MSH4: variants seen among roughly 807,000 people sequenced by gnomAD.
MSH4 encodes mutS protein homolog 4.
A neutral mutation model predicts 113.7 loss-of-function variants in MSH4; 106 were observed. That is an observed-to-expected ratio of 0.93 (90% confidence interval 0.80 to 1.10). The LOEUF is 1.10. Among genes scored for constraint, MSH4 ranks in the 50% least tolerant of loss-of-function variants. The pLI, the probability that MSH4 is intolerant of heterozygous loss-of-function variation, is 0.00. For missense variants in MSH4, 1,061 were observed against 1,093.7 expected, an observed-to-expected ratio of 0.97 and a Z score of 0.42; for synonymous variants, 368 against 380.2, an observed-to-expected ratio of 0.97 and a Z score of 0.37.
chr1:75,818,858 G>T (rs1475979538), intron 6 of MSH4, among the ~76,000 whole-genome samples: 1 of 151,994 alleles, frequency 6.6e-6, no homozygotes, highest in Non-Finnish European at 1.5e-5. Context: ...TGCCTCCAGG[G>T]TTCACGCCAT....
chr1:75,822,477 C>A lies in MSH4; in HGVS notation c.1058C>A (p.Ser353Tyr). 6.3e-7 allele frequency: 1 copy of A among 1,587,252 alleles called. No homozygotes were observed. The highest frequency in any genetic ancestry group is 1.2e-5 in the South Asian group (1 of 86,440). The change falls in exon 7 of 20, where the codon TCT becomes TAT. Residue 353 changes from serine to tyrosine, a missense_variant. Coordinates refer to ENST00000263187, the MANE Select transcript of MSH4 (RefSeq NM_002440.4). The stretch of plus-strand genomic sequence containing the variant: ...CCTGGAGGGAGTAGACGACTTCGTT[C>A]TAATATATTAGAGCCTCTAGTTGAT... ...KTPGGSRRLRSNILEPLVDIE... is the reference protein window; with the variant it reads ...KTPGGSRRLRYNILEPLVDIE...
chr1:75,809,867 T>C (rs1310284215), intron 3 of MSH4, among the ~76,000 whole-genome samples: 1 of 152,188 alleles, frequency 6.6e-6, no homozygotes, highest in African/African-American at 2.4e-5. Flanking sequence ...GCCAAGCTGG[T>C]TGTGAACTCC....
chr1:75,814,404 G>A (rs978605391), intron 4 of MSH4, among the ~76,000 whole-genome samples: 2 of 151,756 alleles, frequency 1.3e-5, no homozygotes, highest in Admixed American at 6.6e-5. Flanking sequence ...GTTCAAATTT[G>A]TAGTGAGCTA....
intron 1 of MSH4, among the ~76,000 whole-genome samples, chr1:75,802,924 G>A (rs112303207): frequency 1.7e-3 from 261 of 152,276 alleles, no homozygotes; most frequent in African/African-American, 6.0e-3. Context: ...AGGGAGCTGA[G>A]CATGGTAGCT....
At chr1:75,812,564 C>T (rs770985822) in intron 4 of MSH4, among the ~76,000 whole-genome samples, 6 of 151,988 alleles carry the variant, frequency 3.9e-5, no homozygotes, top group African/African-American at 1.2e-4. Flanking sequence ...CCTGGTGGCA[C>T]GCGCCTGTAG....
chr1:75,905,680 ATATTTCTC>A (rs1652610766), intron 19 of MSH4, among the ~76,000 whole-genome samples: 3 of 152,118 alleles, frequency 2.0e-5, no homozygotes, highest in African/African-American at 7.2e-5. Context: ...ATTGCAGTCT[ATATTTCTC>A]TTTATATCTA....
intron 8 of MSH4, among the ~76,000 whole-genome samples, chr1:75,855,523 T>C (rs1651297297): frequency 6.6e-6 from 1 of 152,226 alleles, no homozygotes; most frequent in Admixed American, 6.5e-5. Flanking sequence ...GGTGATTTGT[T>C]TACAATTATT....
intron 19 of MSH4, among the ~76,000 whole-genome samples, chr1:75,905,185 G>A (rs1028433253): frequency 1.3e-5 from 2 of 148,678 alleles, no homozygotes; most frequent in African/African-American, 5.0e-5. Context: ...TGTTGTAGGT[G>A]TTTATTGCTA....
chr1:75,820,401 C>G (rs1220073973), intron 6 of MSH4, among the ~76,000 whole-genome samples: 1 of 152,204 alleles, frequency 6.6e-6, no homozygotes, highest in East Asian at 1.9e-4. Context: ...ATGGTACCAG[C>G]TCCTCCTTGT....
chr1:75,848,995 G>A (rs929050648), intron 8 of MSH4, among the ~76,000 whole-genome samples: 8 of 151,992 alleles, frequency 5.3e-5, no homozygotes, highest in Admixed American at 3.9e-4. Flanking sequence ...GCAGTGGTGC[G>A]ATTTTGGCTC....
intron 1 of MSH4, among the ~76,000 whole-genome samples, chr1:75,798,558 A>ATTT (rs1649868245): frequency 4.7e-5 from 4 of 85,276 alleles, no homozygotes; most frequent in African/African-American, 5.4e-5. Flanking sequence ...TCCTCTCTGC[A>ATTT]CTTTTTTTTT....
At chr1:75,842,450 T>G (rs184864812) in intron 7 of MSH4, among the ~76,000 whole-genome samples, 4 of 152,298 alleles carry the variant, frequency 2.6e-5, no homozygotes, top group Non-Finnish European at 5.9e-5. Flanking sequence ...TCCAGTATAG[T>G]AAAATATAAA....
chr1:75,849,098 A>G (rs1007614471), intron 8 of MSH4, among the ~76,000 whole-genome samples: 4 of 151,876 alleles, frequency 2.6e-5, no homozygotes, highest in Admixed American at 2.0e-4. Flanking sequence ...TGCCTGGCTA[A>G]TTTTTGTATT....
intron 9 of MSH4, among the ~76,000 whole-genome samples, chr1:75,874,560 A>G (rs79716319): frequency 0.022 from 3,312 of 152,180 alleles, 127 homozygotes; most frequent in African/African-American, 0.076. Context: ...GGGCTCAAGC[A>G]ATCCACCTGC....
intron 6 of MSH4, among the ~76,000 whole-genome samples, chr1:75,817,686 A>G (rs1650321936): frequency 6.6e-6 from 1 of 152,140 alleles, no homozygotes; most frequent in Non-Finnish European, 1.5e-5. Context: ...AATAGCTCCA[A>G]TGCTTCCATA....
At chr1:75,877,331 A>T (rs1651836982) in intron 10 of MSH4, among the ~76,000 whole-genome samples, 1 of 152,158 alleles carries the variant, frequency 6.6e-6, no homozygotes, top group South Asian at 2.1e-4. Flanking sequence ...TTGTTAAATC[A>T]TGAAGGGTCT....
intron 1 of MSH4, among the ~76,000 whole-genome samples, chr1:75,799,360 A>T (rs1215380475): frequency 2.0e-5 from 3 of 152,164 alleles, no homozygotes; most frequent in African/African-American, 4.8e-5. Context: ...GCAGCTGGGG[A>T]TAATAATCTG....
chr1:75,805,150 A>T (rs1163858175), intron 2 of MSH4, among the ~76,000 whole-genome samples: 2 of 141,382 alleles, frequency 1.4e-5, no homozygotes, highest in East Asian at 3.9e-4. Flanking sequence ...TTAAGTAGAA[A>T]ATAAATACCA....
intron 8 of MSH4, among the ~76,000 whole-genome samples, chr1:75,850,257 G>A (rs1262657488): frequency 2.0e-5 from 3 of 152,006 alleles, no homozygotes; most frequent in Admixed American, 2.0e-4. Context: ...TCATTGATTT[G>A]AGAACTTTTT....
Sources: gnomAD v4.1 joint callset for allele counts (sites outside exome capture counted in the v4.1 genomes callset) on GRCh38, gnomAD v4.1.1 for gene constraint, MANE v1.5 for transcripts, NCBI Gene and HGNC (gene_info 2026-07-23, HGNC 2026-07-21) for gene names.